The following AKAP6 variants were observed in gnomAD, a reference collection of about 807,000 sequenced individuals.
The protein encoded by AKAP6 is A-kinase anchor protein 6.
Under a neutral mutation model 188.5 loss-of-function variants are expected in AKAP6, and 58 were observed. That is an observed-to-expected ratio of 0.31 (90% CI 0.25 to 0.38). The LOEUF (loss-of-function observed/expected upper bound fraction) is 0.38, where lower values mean the gene tolerates loss of function less well. Ranked by LOEUF, AKAP6 falls within the 10% of genes least tolerant of loss-of-function variation. The pLI is 1.00. For synonymous variants in AKAP6, 989 were observed against 998.6 expected (o/e 0.99, Z 0.18); for missense variants, 2,710 against 2,740.0 (o/e 0.99, Z 0.24).
At chr14:32,467,809 C>T (rs914838594) in intron 2 of AKAP6, among the ~76,000 whole-genome samples, 1 of 152,048 alleles carries the variant, frequency 6.6e-6, no homozygotes, top group Non-Finnish European at 1.5e-5. Flanking sequence ...CCCAATATTT[C>T]CCTCAGCTTC....
chr14:32,361,865 A>G (rs1887675641), intron 1 of AKAP6, among the ~76,000 whole-genome samples: 1 of 151,824 alleles, frequency 6.6e-6, no homozygotes, highest in South Asian at 2.1e-4. Flanking sequence ...CCTGTTGTGC[A>G]GGCTTATTGT....
chr14:32,367,384 T>C lies in AKAP6; in HGVS notation c.-35+37976T>C, dbSNP rs564719292. Among the ~76,000 whole-genome samples, 11 of 152,326 alleles carry C rather than the reference T, an allele frequency of 7.2e-5. No individual in the cohort carries two copies. In the East Asian group the frequency reaches 1.9e-3, roughly 27 times the overall value. The stretch of plus-strand genomic sequence containing the variant: ...TAAGTGGATGTCAACTCCATCTCCT[T>C]GCTTTTTAAAAATTATTAATTGTTC... On this transcript the variant is annotated intron_variant, in intron 1 of 13. Coordinates refer to ENST00000280979, the MANE Select transcript of AKAP6 (RefSeq NM_004274.5).
chr14:32,506,976 A>C (rs1880912201), intron 2 of AKAP6, among the ~76,000 whole-genome samples: 1 of 152,138 alleles, frequency 6.6e-6, no homozygotes, highest in African/African-American at 2.4e-5. Flanking sequence ...AATGCTTAAA[A>C]ATCATTTTTT....
In AKAP6 at chr14:32,832,367, A is replaced by G. The variant is rs2034829289; in HGVS notation, c.*2562A>G. On this transcript the variant is annotated 3_prime_UTR_variant, in exon 14 of 14. Transcript: ENST00000280979. The stretch of plus-strand genomic sequence containing the variant: ...GGGTAGTAACTAATGTCAAGTCTAC[A>G]TCGACTGGTAAAACATTCAAAGAAC... The G allele has an allele frequency of 6.6e-6, 1 of 152,188 alleles. No homozygotes were observed. The highest frequency in any genetic ancestry group is 1.5e-5 in the Non-Finnish European group (1 of 68,034). The allele number at this position is 152,188 out of a possible 1,614,324, so 9.4% of individuals were successfully genotyped here.
intron 11 of AKAP6, among the ~76,000 whole-genome samples, chr14:32,757,927 C>T (rs1391767767): frequency 6.6e-6 from 1 of 152,078 alleles, no homozygotes; most frequent in Non-Finnish European, 1.5e-5. Flanking sequence ...ACAATATATG[C>T]ATGTGTGGAG....
chr14:32,415,531 A>C (rs1594591489), intron 1 of AKAP6, among the ~76,000 whole-genome samples: 1 of 152,174 alleles, frequency 6.6e-6, no homozygotes, highest in Non-Finnish European at 1.5e-5. Context: ...GGTAAAATGC[A>C]TATAACATAA....
rs187182334 is a variant in AKAP6 at position 32,667,417 on chromosome 14, T to C, written c.2731-10894T>C. ...ACCAACATGCATGCCACCTGAGACATCTTGTTCAGGAACTTTCTGGAGGGT... is the reference window on the plus strand; with the variant it reads ...ACCAACATGCATGCCACCTGAGACACCTTGTTCAGGAACTTTCTGGAGGGT... On this transcript the variant is annotated intron_variant, in intron 7 of 13. Transcript: ENST00000280979. 9.9e-5 allele frequency among the ~76,000 whole-genome samples: 15 copies of C among 152,166 alleles called. No individual in the cohort carries two copies. The East Asian group carries it at 2.9e-3, about 29-fold the overall frequency.
chr14:32,748,027 T>A (rs1242049161), intron 11 of AKAP6, among the ~76,000 whole-genome samples: 1 of 152,222 alleles, frequency 6.6e-6, no homozygotes, highest in Non-Finnish European at 1.5e-5. Context: ...CTTTACTTAT[T>A]GTCTTGAAAA....
intron 7 of AKAP6, among the ~76,000 whole-genome samples, chr14:32,656,118 T>A (rs577718283): frequency 1.3e-5 from 2 of 152,296 alleles, no homozygotes; most frequent in South Asian, 2.1e-4. Flanking sequence ...TGGATTTTTT[T>A]AAATAAATGT....
At chr14:32,590,913 G>T (rs532448889) in intron 5 of AKAP6, among the ~76,000 whole-genome samples, 6 of 152,136 alleles carry the variant, frequency 3.9e-5, no homozygotes, top group Non-Finnish European at 8.8e-5. Context: ...AAAGTGGTTT[G>T]GTTCCCCCTC....
intron 2 of AKAP6, among the ~76,000 whole-genome samples, chr14:32,464,489 A>G (rs1042727699): frequency 6.6e-6 from 1 of 152,234 alleles, no homozygotes; most frequent in Non-Finnish European, 1.5e-5. Flanking sequence ...ATCCAATGAC[A>G]AAAACCACAT....
intron 12 of AKAP6, among the ~76,000 whole-genome samples, chr14:32,795,496 A>G (rs2033738899): frequency 6.6e-6 from 1 of 152,342 alleles, no homozygotes; most frequent in Admixed American, 6.5e-5. Flanking sequence ...TATGTGAGTC[A>G]ATAAATGTGA....
Position 32,659,814 on chromosome 14 carries a change from C to T in AKAP6, c.2731-18497C>T, listed in dbSNP as rs188141532. On this transcript the variant is annotated intron_variant, in intron 7 of 13. Transcript: ENST00000280979. ...CCCTGGAAATCTGCATTGATAACTG[C>T]TGTGCCTTGGCAGACTTTGACTCTG... is the stretch of plus-strand genomic sequence containing the variant. Among the ~76,000 whole-genome samples, 52 of 152,212 alleles carry T rather than the reference C, an allele frequency of 3.4e-4. No homozygotes were observed. In the East Asian group the frequency reaches 7.0e-3, roughly 20 times the overall value.
chr14:32,503,612 C>T (rs1030955629), intron 2 of AKAP6, among the ~76,000 whole-genome samples: 1 of 151,838 alleles, frequency 6.6e-6, no homozygotes, highest in Admixed American at 6.6e-5. Flanking sequence ...ATCCAACTTA[C>T]TTTTTGTCAG....
intron 4 of AKAP6, among the ~76,000 whole-genome samples, chr14:32,566,333 ATAT>A (rs1378911841): frequency 1.3e-5 from 2 of 151,792 alleles, no homozygotes; most frequent in African/African-American, 4.8e-5. Context: ...ATGTTAATAT[ATAT>A]TATTATTTTT....
intron 11 of AKAP6, among the ~76,000 whole-genome samples, chr14:32,740,622 A>G (rs187871673): frequency 2.6e-5 from 4 of 152,148 alleles, no homozygotes; most frequent in Non-Finnish European, 5.9e-5. Flanking sequence ...CATTTATTGA[A>G]GAGACTGTCT....
chr14:32,434,065 T>C (rs1594609407), intron 2 of AKAP6: 2 of 448,776 alleles, frequency 4.5e-6, no homozygotes, highest in East Asian at 7.0e-5. Flanking sequence ...AAGGGAGGGG[T>C]ATTTTTGTGC....
At chr14:32,433,015 G>GA in intron 1 of AKAP6, 1 of 160,806 alleles carries the variant, frequency 6.2e-6, no homozygotes, top group East Asian at 1.8e-4. Flanking sequence ...GAGGAAAGTA[G>GA]AAGGGCATAA....
intron 1 of AKAP6, among the ~76,000 whole-genome samples, chr14:32,350,653 T>A (rs1344524930): frequency 1.3e-5 from 2 of 152,222 alleles, no homozygotes; most frequent in Non-Finnish European, 2.9e-5. Context: ...TAACATGAGA[T>A]GTTAACAATG....
Sources: gnomAD v4.1 joint callset for allele counts (sites outside exome capture counted in the v4.1 genomes callset) on GRCh38, gnomAD v4.1.1 for gene constraint, MANE v1.5 for transcripts, NCBI Gene and HGNC (gene_info 2026-07-23, HGNC 2026-07-21) for gene names.